PRAG1: variants seen among roughly 807,000 people sequenced by gnomAD.
PRAG1 encodes PEAK1 related, kinase-activating pseudokinase 1.
In PRAG1, 110 loss-of-function variants were observed where a neutral mutation model predicts 95.6. The ratio of observed to expected loss-of-function variants is 1.15; its 90% CI spans 0.99 to 1.35. The LOEUF is 1.35. Among genes scored for constraint, PRAG1 ranks in the 40% most tolerant of loss-of-function variants. The pLI is 0.00. For synonymous variants in PRAG1, 1,052 were observed against 819.4 expected (o/e 1.28, Z -4.85); for missense variants, 2,554 against 1,864.7 (o/e 1.37, Z -6.81).
chr8:8,383,720 G>T (rs769421021), intron 1 of PRAG1, among the ~76,000 whole-genome samples: 1 of 152,168 alleles, frequency 6.6e-6, no homozygotes, highest in Non-Finnish European at 1.5e-5. Context: ...CTGTTAGCTA[G>T]GTTCTTCTCC....
chr8:8,345,367 C>CAAAA (rs202100503), intron 3 of PRAG1, among the ~76,000 whole-genome samples: 3 of 78,580 alleles, frequency 3.8e-5, no homozygotes, highest in Admixed American at 1.3e-4. Context: ...CCTGTCTCTA[C>CAAAA]AAAAAAAAAA....
At chr8:8,343,815 T>G (rs1434452227) in intron 3 of PRAG1, among the ~76,000 whole-genome samples, 1 of 152,214 alleles carries the variant, frequency 6.6e-6, no homozygotes, top group Non-Finnish European at 1.5e-5. Context: ...GTCTTGCATG[T>G]GGGCAATCAG....
chr8:8,328,908 A>C (rs551196471), intron 4 of PRAG1, among the ~76,000 whole-genome samples: 1 of 152,362 alleles, frequency 6.6e-6, no homozygotes, highest in African/African-American at 2.4e-5. Flanking sequence ...AATTATTTTA[A>C]ACAGTCTCAC....
intron 4 of PRAG1, among the ~76,000 whole-genome samples, chr8:8,336,623 A>G (rs1798991012): frequency 6.6e-6 from 1 of 152,238 alleles, no homozygotes; most frequent in Admixed American, 6.5e-5. Flanking sequence ...AACATTTAGA[A>G]TAAGCACCTG....
chr8:8,346,415 C>T (rs962324657), intron 3 of PRAG1, among the ~76,000 whole-genome samples: 1 of 152,214 alleles, frequency 6.6e-6, no homozygotes, highest in Non-Finnish European at 1.5e-5. Flanking sequence ...ACAGTCCAGG[C>T]AGGCAGGGTG....
At position 8,319,236 on chromosome 8, in the gene PRAG1, T is replaced by C; in HGVS notation, c.3139A>G (p.Ile1047Val). The C allele has an allele frequency of 1.3e-6, 2 of 1,563,110 alleles. No homozygotes were observed. The highest frequency in any genetic ancestry group is 1.3e-5 in the African/African-American group (1 of 74,160). ...CSPSVPVHFN[I>V]QQDCGHFVAS... ...ACGAAGTGGCCGCAGTCCTGCTGGA[T>C]GTTAAAGTGCACGGGCACGGACGGG... The change falls in exon 6 of 6, where the codon ATC (isoleucine) becomes GTC (valine). Residue 1047 changes from isoleucine (I) to valine (V), a missense_variant. Ile to Val is a conservative substitution (Grantham distance 29). Coordinates refer to ENST00000615670, the MANE Select transcript of PRAG1 (RefSeq NM_001080826.3).
At chr8:8,345,405 A>C (rs1799307961) in intron 3 of PRAG1, among the ~76,000 whole-genome samples, 2 of 151,790 alleles carry the variant, frequency 1.3e-5, no homozygotes, top group Non-Finnish European at 2.9e-5. Flanking sequence ...GAAAAAGAAA[A>C]TCAGAAATCA....
At chr8:8,378,870 ATAAT>A (rs35335515) in intron 2 of PRAG1, among the ~76,000 whole-genome samples, 85,501 of 149,614 alleles carry the variant, frequency 0.57, 25,417 homozygotes, top group East Asian at 0.77. Flanking sequence ...AAAAATAATG[ATAAT>A]TAATAATAAT....
chr8:8,326,051 A>G (rs1320623131), intron 5 of PRAG1, among the ~76,000 whole-genome samples: 1 of 150,272 alleles, frequency 6.7e-6, no homozygotes, highest in Non-Finnish European at 1.5e-5. Context: ...TTCCTCCTCA[A>G]AACAGAAAGG....
At chr8:8,367,078 C>G (rs1200617651) in intron 3 of PRAG1, among the ~76,000 whole-genome samples, 1 of 152,096 alleles carries the variant, frequency 6.6e-6, no homozygotes, top group East Asian at 1.9e-4. Flanking sequence ...CCTGCAGACA[C>G]CACAAATAGA....
rs571762923 is a variant in PRAG1 at position 8,347,174 on chromosome 8, G to A, written c.2163-7539C>T. Among the ~76,000 whole-genome samples, 22 of 152,302 alleles carry A rather than the reference G, an allele frequency of 1.4e-4. No homozygotes were observed. The South Asian group carries it at 3.5e-3, about 24-fold the overall frequency. On this transcript the variant is annotated intron_variant, in intron 3 of 5. Transcript: ENST00000615670. ...CTCTTACCATTCTAGACTCAGGCCC[G>A]TAGTGCTGTCCTCATCAGTGAGGCC... is the stretch of plus-strand genomic sequence containing the variant.
chr8:8,328,497 C>G (rs757841886), intron 4 of PRAG1, 36 bp from the exon 5 acceptor site: 2 of 1,601,526 alleles, frequency 1.2e-6, no homozygotes, highest in Non-Finnish European at 1.7e-6. Context: ...AGACCAAGGC[C>G]AGTGCCACTC....
intron 3 of PRAG1, among the ~76,000 whole-genome samples, chr8:8,344,261 G>A (rs186606319): frequency 3.3e-5 from 5 of 152,240 alleles, no homozygotes; most frequent in African/African-American, 7.2e-5. Context: ...AAACATTGTG[G>A]TATAGTCTTT....
chr8:8,333,501 A>T (rs1438542265), intron 4 of PRAG1, among the ~76,000 whole-genome samples: 2 of 152,246 alleles, frequency 1.3e-5, no homozygotes, highest in African/African-American at 4.8e-5. Context: ...ATGAGAAATC[A>T]GGATTTCAGT....
rs377500948 is a variant in PRAG1, at chr8:8,339,485, G to A, written c.2313C>T (p.Ser771=). The A allele has an allele frequency of 9.9e-6, 16 of 1,613,670 alleles. No individual in the cohort carries two copies. The highest frequency in any genetic ancestry group is 5.3e-5 in the African/African-American group (4 of 74,888). The change falls in exon 4 of 6, where the codon AGC becomes AGT. Residue 771 remains serine (S), a synonymous_variant. Coordinates refer to ENST00000615670, the MANE Select transcript of PRAG1 (RefSeq NM_001080826.3). ...CAATGTCAAGTTTGTTACCTCCATC[G>A]CTGCAGGTCCTAGAGTCTGAGGCCA... ...DSLASDSRTC[S]DGGPSSELAH... is the part of the protein sequence containing the mutation.
intron 4 of PRAG1, among the ~76,000 whole-genome samples, chr8:8,329,357 C>T (rs952370806): frequency 6.6e-6 from 1 of 151,956 alleles, no homozygotes; most frequent in Non-Finnish European, 1.5e-5. Flanking sequence ...TGCGCCACTA[C>T]ACTCAGCCTG....
chr8:8,381,633 C>A lies in PRAG1; in HGVS notation c.115G>T (p.Asp39Tyr). The A allele has an allele frequency of 6.2e-7, 1 of 1,613,876 alleles. No individual in the cohort carries two copies. The highest frequency in any genetic ancestry group is 1.1e-5 in the South Asian group (1 of 91,040). ...GGAGGGCCGGCCACCAGCTGGTGGT[C>A]GCTCCGCAGGCAGAAGCAGTTCTTG... is the stretch of plus-strand genomic sequence containing the variant. ...SCKNCFCLRS[D>Y]HQLVAGPPQP... The change falls in exon 2 of 6, where the codon GAC (aspartate) becomes TAC (tyrosine). Residue 39 changes from aspartate to tyrosine, a missense_variant. Physicochemically the swap from Asp to Tyr is radical, Grantham distance 160 (BLOSUM62 -3). Transcript: ENST00000615670.
chr8:8,360,214 C>G (rs541771781), intron 3 of PRAG1, among the ~76,000 whole-genome samples: 1 of 152,246 alleles, frequency 6.6e-6, no homozygotes, highest in Admixed American at 6.5e-5. Flanking sequence ...CTGCTTTTTC[C>G]AATTCAGGAC....
intron 3 of PRAG1, among the ~76,000 whole-genome samples, chr8:8,340,847 A>T (rs963905551): frequency 2.6e-5 from 4 of 152,246 alleles, no homozygotes; most frequent in African/African-American, 9.6e-5. Flanking sequence ...GTCAAAAAAA[A>T]AAATGTGACA....
Sources: allele counts gnomAD v4.1 joint callset (sites outside exome capture counted in the v4.1 genomes callset), GRCh38; gene constraint gnomAD v4.1.1; transcripts MANE v1.5; gene names NCBI Gene and HGNC (gene_info 2026-07-23, HGNC 2026-07-21).